Variants in DRC4 observed in about 807,000 individuals in gnomAD.
DRC4 encodes dynein regulatory complex subunit 4, also known as GAS-11.
the DRC4 span, chr16:90,044,533 C>G: frequency 8.5e-6 from 4 of 471,154 alleles, no homozygotes; most frequent in South Asian, 4.6e-5. Flanking sequence ...TTCCTGCCCC[C>G]TCTTCCTCCA....
chr16:90,038,271 A>T, the DRC4 span, among the ~76,000 whole-genome samples: 12 of 152,170 alleles, frequency 7.9e-5, no homozygotes, highest in African/African-American at 2.9e-4. Context: ...GGCGAGTTTT[A>T]TGGGCTCCCT....
the DRC4 span, chr16:90,044,549 C>T: frequency 2.1e-6 from 1 of 471,240 alleles, no homozygotes; most frequent in South Asian, 1.5e-5. Flanking sequence ...CTCCAGTAGC[C>T]CTCAGTGTCG....
the DRC4 span, chr16:90,027,631 C>G: frequency 6.2e-7 from 1 of 1,613,992 alleles, no homozygotes; most frequent in Admixed American, 1.7e-5. Flanking sequence ...TTATTTCCAC[C>G]AAAGGCACCG....
At chr16:90,022,755 C>A in the DRC4 span, 1 of 1,376,302 alleles carries the variant, frequency 7.3e-7, no homozygotes, top group Non-Finnish European at 9.5e-7. Context: ...GGCTGGGGTC[C>A]TCGGCAGGGG....
At chr16:90,037,248 T>C in the DRC4 span, 6 of 1,611,422 alleles carry the variant, frequency 3.7e-6, no homozygotes, top group South Asian at 3.3e-5. Flanking sequence ...ATGGAGGACA[T>C]GCGGAAGAAG....
At chr16:90,035,557 G>A in the DRC4 span, 1 of 1,599,580 alleles carries the variant, frequency 6.3e-7, no homozygotes, top group East Asian at 2.2e-5. Context: ...AAACCATGAG[G>A]AACAGGGTCA....
the DRC4 span, chr16:90,029,695 T>C: frequency 4.9e-6 from 1 of 204,562 alleles, no homozygotes; most frequent in African/African-American, 2.4e-5. Context: ...AAATGTGTTT[T>C]CCCTGTGGGG....
chr16:90,041,241 C>T, the DRC4 span, among the ~76,000 whole-genome samples: 3 of 152,258 alleles, frequency 2.0e-5, no homozygotes, highest in African/African-American at 7.2e-5. Flanking sequence ...TGTGGGTCAA[C>T]CCCTCCTTTC....
At chr16:90,022,745 G>A in the DRC4 span, 11 of 1,399,382 alleles carry the variant, frequency 7.9e-6, no homozygotes, top group Admixed American at 2.7e-5. Flanking sequence ...GCGGGAGCGG[G>A]GCTGGGGTCC....
chr16:90,023,625 GAATTAAATTTAAGTAGATGGGTTT>G, the DRC4 span, among the ~76,000 whole-genome samples: 568 of 139,086 alleles, frequency 4.1e-3, 17 homozygotes, highest in Non-Finnish European at 6.6e-3. Context: ...AGTACATTAC[GAATTAAATTTAAGTAGATGGGTTT>G]TCTGACCCAG....
At chr16:90,023,419 C>T in the DRC4 span, among the ~76,000 whole-genome samples, 1 of 152,118 alleles carries the variant, frequency 6.6e-6, no homozygotes, top group African/African-American at 2.4e-5. Context: ...CAGGAATTGT[C>T]AGTAACTCAA....
chr16:90,042,422 C>G, the DRC4 span: 1 of 1,579,220 alleles, frequency 6.3e-7, no homozygotes, highest in South Asian at 1.1e-5. Context: ...CTCCCGTTGC[C>G]TCGGCCAAAA....
the DRC4 span, chr16:90,036,545 G>A: frequency 4.4e-6 from 7 of 1,602,918 alleles, no homozygotes; most frequent in African/African-American, 2.7e-5. Flanking sequence ...CTACTACAAC[G>A]ACATCACCCT....
At chr16:90,041,911 C>T in the DRC4 span, among the ~76,000 whole-genome samples, 87 of 152,280 alleles carry the variant, frequency 5.7e-4, no homozygotes, top group African/African-American at 2.0e-3. Context: ...GCCCTCACCT[C>T]ATCTGCATTT....
the DRC4 span, among the ~76,000 whole-genome samples, chr16:90,041,781 G>C: frequency 3.3e-5 from 5 of 152,022 alleles, no homozygotes; most frequent in South Asian, 1.0e-3. Context: ...CCTGGGCAAC[G>C]GGGCGAGACT....
At chr16:90,028,897 G>C in the DRC4 span, 1 of 1,253,230 alleles carries the variant, frequency 8.0e-7, no homozygotes, top group Non-Finnish European at 1.0e-6. Flanking sequence ...GCTAGGCAGA[G>C]GTCCTTGAAC....
the DRC4 span, chr16:90,032,781 G>T: frequency 1.9e-5 from 30 of 1,613,844 alleles, no homozygotes; most frequent in African/African-American, 4.0e-5. Flanking sequence ...AGAGATGAAG[G>T]CTGAGGGCAC....
chr16:90,036,945 T>G, the DRC4 span: 1 of 555,134 alleles, frequency 1.8e-6, no homozygotes, highest in South Asian at 2.0e-5. Flanking sequence ...TCATCGTCAC[T>G]GCATGCTGGC....
At chr16:90,036,973 C>T in the DRC4 span, 1 of 564,406 alleles carries the variant, frequency 1.8e-6, no homozygotes. Context: ...GGATTTTCTA[C>T]AGTAGACAAC....
Sources: allele counts gnomAD v4.1 joint callset (sites outside exome capture counted in the v4.1 genomes callset), GRCh38; gene constraint gnomAD v4.1.1; transcripts MANE v1.5; gene names NCBI Gene and HGNC (gene_info 2026-07-23, HGNC 2026-07-21).